Variants in SRGAP3 observed in about 807,000 individuals in gnomAD.
The protein encoded by SRGAP3 is SLIT-ROBO Rho GTPase-activating protein 3.
Under a neutral mutation model 121.1 loss-of-function variants are expected in SRGAP3, and 39 were observed. That is an observed-to-expected ratio of 0.32 (90% CI 0.25 to 0.42). SRGAP3 has a LOEUF of 0.42. Among genes scored for constraint, SRGAP3 ranks in the 10% least tolerant of loss-of-function variants. The pLI, the probability that SRGAP3 is intolerant of heterozygous loss-of-function variation, is 1.00. For missense variants in SRGAP3, 1,213 were observed against 1,470.6 expected, an observed-to-expected ratio of 0.82 and a Z score of 2.86; for synonymous variants, 601 against 570.0, an observed-to-expected ratio of 1.05 and a Z score of -0.77.
At chr3:9,140,900 A>G (rs1395835733) in intron 1 of SRGAP3, among the ~76,000 whole-genome samples, 1 of 152,232 alleles carries the variant, frequency 6.6e-6, no homozygotes, top group Non-Finnish European at 1.5e-5. Context: ...GGATCATACC[A>G]CAGTGAGATG....
chr3:8,992,047 C>T (rs1942089609), intron 20 of SRGAP3, among the ~76,000 whole-genome samples: 4 of 152,156 alleles, frequency 2.6e-5, no homozygotes, highest in Non-Finnish European at 4.4e-5. Flanking sequence ...CACAGTGCCC[C>T]GAGCTATCTG....
At chr3:9,006,398 C>A (rs1390686444) in intron 18 of SRGAP3, among the ~76,000 whole-genome samples, 425 of 122,722 alleles carry the variant, frequency 3.5e-3, no homozygotes, top group South Asian at 4.7e-3. Context: ...GACTCTGTCT[C>A]AAAAAAAAAA....
rs555328792 is a variant in SRGAP3 at position 8,992,506 on chromosome 3, T to C, written c.2558+400A>G. On this transcript the variant is annotated intron_variant, in intron 20 of 21. Transcript: ENST00000383836. Reference sequence around the variant, plus strand: ...TGAGTAGGTGTGAGTTTTCTGTTTATGTAGCGCGTTTCAGGGAATATGTGA... The same window carrying C: ...TGAGTAGGTGTGAGTTTTCTGTTTACGTAGCGCGTTTCAGGGAATATGTGA... 36 of 375,288 alleles carry C rather than the reference T, an allele frequency of 9.6e-5. No individual in the cohort carries two copies. In the South Asian group the frequency reaches 1.0e-3, roughly 11 times the overall value. The allele number at this position is 375,288 out of a possible 1,614,324, so 23.2% of individuals were successfully genotyped here. A position where few individuals can be genotyped will look rare whatever the true frequency, so the allele number is the denominator to read the frequency against.
At chr3:9,352,191 G>A (rs2030206284) in intron 1 of SRGAP3, among the ~76,000 whole-genome samples, 1 of 151,720 alleles carries the variant, frequency 6.6e-6, no homozygotes, top group African/African-American at 2.4e-5. Flanking sequence ...TTTTACACCT[G>A]AAGCTGCATT....
At chr3:9,004,620 C>A (rs1942961409) in intron 18 of SRGAP3, among the ~76,000 whole-genome samples, 1 of 152,170 alleles carries the variant, frequency 6.6e-6, no homozygotes, top group Admixed American at 6.5e-5. Context: ...AACCCATACA[C>A]CTGTAGTCAA....
intron 17 of SRGAP3, among the ~76,000 whole-genome samples, chr3:9,011,825 A>T (rs1201373713): frequency 1.3e-5 from 2 of 152,098 alleles, no homozygotes; most frequent in African/African-American, 4.8e-5. Flanking sequence ...GGTTTTGAAG[A>T]CTCCAAAATT....
chr3:9,345,891 C>A (rs1955882089), intron 1 of SRGAP3, among the ~76,000 whole-genome samples: 1 of 152,090 alleles, frequency 6.6e-6, no homozygotes, highest in South Asian at 2.1e-4. Context: ...CATAGTGCCT[C>A]CAAGCACAGT....
chr3:8,994,541 G>A lies in SRGAP3; in HGVS notation c.2228-18C>T. 2.5e-6 allele frequency: 4 copies of A among 1,608,788 alleles called. No individual in the cohort carries two copies. Among genetic ancestry groups the A allele is most frequent in the South Asian group, 2.2e-5 (2 of 91,042 alleles). On this transcript the variant is annotated intron_variant, in intron 18 of 21. Transcript: ENST00000383836. ...CTCCACTTCTGGAAGGAAATCAAGG[G>A]AAAAAGCGTCTCTGAGGTCAGCAAA...
chr3:9,296,059 G>T (rs986787134), intron 3 of SRGAP3, among the ~76,000 whole-genome samples: 1 of 152,148 alleles, frequency 6.6e-6, no homozygotes, highest in Non-Finnish European at 1.5e-5. Flanking sequence ...GTCTGGTGCT[G>T]TTTCCACTTT....
intron 3 of SRGAP3, among the ~76,000 whole-genome samples, chr3:9,096,088 A>G (rs1008231971): frequency 3.3e-5 from 5 of 152,154 alleles, no homozygotes. Flanking sequence ...CAAACAAACA[A>G]AACAAAACAC....
Position 8,990,855 on chromosome 3 carries a change from G to T in SRGAP3, c.2559-16C>A. On this transcript the variant is annotated splice_polypyrimidine_tract_variant and intron_variant, in intron 20 of 21. Transcript: ENST00000383836. The stretch of plus-strand genomic sequence containing the variant: ...TAACCGCACTCTGCAAAGGAGCCAG[G>T]GGGCGAGGGGCATGGGGCAGAGGTC... 6.7e-7 allele frequency: 1 copy of T among 1,495,732 alleles called. No individual in the cohort carries two copies. The highest frequency in any genetic ancestry group is 8.8e-7 in the Non-Finnish European group (1 of 1,130,736). 92.7% of individuals were successfully genotyped at this position (1,495,732 alleles called of 1,614,324 possible).
rs192832133 is a variant in SRGAP3 at position 9,001,667 on chromosome 3, A to G, written c.2228-7144T>C. On this transcript the variant is annotated intron_variant, in intron 18 of 21. Transcript: ENST00000383836. ...CAGACTGGATAAAATAAAATAATTT[A>G]AAAGACACACTTTAGATTCAAAGAT... 3.4e-3 allele frequency among the ~76,000 whole-genome samples: 525 copies of G among 152,314 alleles called. 6 individuals are homozygous for G. The highest frequency in any genetic ancestry group is 0.012 in the African/African-American group (503 of 41,582).
intron 1 of SRGAP3, among the ~76,000 whole-genome samples, chr3:9,161,788 C>G (rs559496064): frequency 2.0e-5 from 3 of 152,314 alleles, no homozygotes; most frequent in Admixed American, 6.5e-5. Context: ...GGGTCTCCAT[C>G]TGCCCCAACT....
At chr3:9,124,647 C>T (rs1949149436) in intron 2 of SRGAP3, 78 bp downstream of exon 2, 1 of 1,591,450 alleles carries the variant, frequency 6.3e-7, no homozygotes, top group Middle Eastern at 1.7e-4. Flanking sequence ...TGGCTGGCCT[C>T]CTTTCTGCTT....
intron 21 of SRGAP3, among the ~76,000 whole-genome samples, chr3:8,987,721 G>C (rs1941801906): frequency 7.9e-6 from 1 of 127,366 alleles, no homozygotes; most frequent in East Asian, 3.0e-4. Flanking sequence ...CGTTGCCCCA[G>C]AACACCGGCA....
chr3:9,125,044 G>C (rs577479202), intron 1 of SRGAP3, 127 bp from the exon 2 acceptor site: 59 of 1,081,506 alleles, frequency 5.5e-5, no homozygotes, highest in Non-Finnish European at 7.7e-5. Context: ...GAGCCTCTCT[G>C]AGCCCAGCCA....
chr3:9,130,508 C>T (rs1949405492), intron 1 of SRGAP3, among the ~76,000 whole-genome samples: 1 of 152,146 alleles, frequency 6.6e-6, no homozygotes, highest in South Asian at 2.1e-4. Flanking sequence ...GAAGTAGCAG[C>T]TCAGGAGGAA....
chr3:9,283,561 C>G (rs1295042399), intron 3 of SRGAP3, among the ~76,000 whole-genome samples: 1 of 152,160 alleles, frequency 6.6e-6, no homozygotes, highest in South Asian at 2.1e-4. Context: ...CATTTGAAAG[C>G]TTGAATGGGA....
intron 3 of SRGAP3, among the ~76,000 whole-genome samples, chr3:9,312,218 A>T (rs1438444579): frequency 6.6e-6 from 1 of 152,088 alleles, no homozygotes; most frequent in African/African-American, 2.4e-5. Context: ...GCAATGGTGC[A>T]ATCTTGGCTC....
Sources: allele counts gnomAD v4.1 joint callset (sites outside exome capture counted in the v4.1 genomes callset), GRCh38; gene constraint gnomAD v4.1.1; transcripts MANE v1.5; gene names NCBI Gene and HGNC (gene_info 2026-07-23, HGNC 2026-07-21).